The following KLHL1 variants were observed in gnomAD, a reference collection of about 807,000 sequenced individuals.
KLHL1 encodes the protein kelch like family member 1, also known as kelch-like protein 1.
Under a neutral mutation model 77.7 loss-of-function variants are expected in KLHL1, and 47 were observed. The ratio of observed to expected loss-of-function variants is 0.60; its 90% CI spans 0.48 to 0.77. The LOEUF is 0.77. Among genes scored for constraint, KLHL1 ranks in the 30% least tolerant of loss-of-function variants. KLHL1 has a pLI of 0.00. For synonymous variants in KLHL1, 360 were observed against 325.2 expected (o/e 1.11, Z -1.15); for missense variants, 925 against 910.8 (o/e 1.02, Z -0.20).
In KLHL1 at chr13:69,844,975, C is replaced by T. The variant is rs116571332; in HGVS notation, c.1228-5813G>A. On this transcript the variant is annotated intron_variant, in intron 5 of 10. Coordinates refer to ENST00000377844, the MANE Select transcript of KLHL1 (RefSeq NM_020866.3). ...ATTCGATCCAGGAAATATTTGCTCCCGCAGGATGAGACATCTGTGAACCCA... is the reference window on the plus strand; with the variant it reads ...ATTCGATCCAGGAAATATTTGCTCCTGCAGGATGAGACATCTGTGAACCCA... Among the ~76,000 whole-genome samples, 782 of 151,628 alleles carry T rather than the reference C, an allele frequency of 5.2e-3. 7 individuals are homozygous for T. Among genetic ancestry groups the T allele is most frequent in the African/African-American group, 0.018 (729 of 41,442 alleles).
At chr13:70,060,842 G>C (rs938096585) in intron 1 of KLHL1, among the ~76,000 whole-genome samples, 1 of 96,314 alleles carries the variant, frequency 1.0e-5, no homozygotes, top group African/African-American at 5.4e-5. Flanking sequence ...GTGAAACTTC[G>C]TCTCAAAAGA....
intron 8 of KLHL1, among the ~76,000 whole-genome samples, chr13:69,723,854 T>TTTC (rs1446136245): frequency 4.0e-5 from 6 of 151,718 alleles, no homozygotes; most frequent in African/African-American, 1.5e-4. Flanking sequence ...TTTTTTTTTT[T>TTTC]TTTTCTGAGA....
intron 3 of KLHL1, among the ~76,000 whole-genome samples, chr13:69,954,783 G>A (rs748114791): frequency 7.0e-6 from 1 of 143,382 alleles, no homozygotes; most frequent in Non-Finnish European, 1.5e-5. Context: ...AGTTTCATAC[G>A]ATAGTACTAA....
intron 1 of KLHL1, among the ~76,000 whole-genome samples, chr13:70,088,272 C>T (rs1887592917): frequency 6.6e-6 from 1 of 152,064 alleles, no homozygotes; most frequent in Admixed American, 6.6e-5. Context: ...AGTTTCTTTA[C>T]CTCCATGAGT....
chr13:69,902,218 T>G (rs1237232079), intron 4 of KLHL1, among the ~76,000 whole-genome samples: 2 of 152,230 alleles, frequency 1.3e-5, no homozygotes, highest in African/African-American at 4.8e-5. Context: ...AGATATGATC[T>G]GGAGATTTTT....
intron 5 of KLHL1, among the ~76,000 whole-genome samples, chr13:69,843,224 A>T (rs1237549568): frequency 2.0e-5 from 3 of 151,760 alleles, no homozygotes; most frequent in Non-Finnish European, 4.4e-5. Context: ...ATATGCACGT[A>T]ACAAAATTTC....
chr13:70,095,724 T>C (rs939771465), intron 1 of KLHL1, among the ~76,000 whole-genome samples: 2 of 152,220 alleles, frequency 1.3e-5, no homozygotes, highest in Non-Finnish European at 2.9e-5. Flanking sequence ...GAGAGGACAA[T>C]AAATTATTGT....
chr13:70,038,915 G>A (rs781589546), intron 1 of KLHL1, among the ~76,000 whole-genome samples: 4 of 151,940 alleles, frequency 2.6e-5, no homozygotes, highest in Admixed American at 1.3e-4. Context: ...TCTAATACAC[G>A]TATCTTCATA....
At chr13:69,905,950 C>A (rs1379427591) in intron 4 of KLHL1, among the ~76,000 whole-genome samples, 1 of 151,986 alleles carries the variant, frequency 6.6e-6, no homozygotes, top group Non-Finnish European at 1.5e-5. Flanking sequence ...CACAGCAACC[C>A]AGGAGATCAT....
At chr13:69,896,429 C>T (rs1881643051) in intron 4 of KLHL1, among the ~76,000 whole-genome samples, 1 of 152,112 alleles carries the variant, frequency 6.6e-6, no homozygotes. Flanking sequence ...ATAATCAGGA[C>T]ACCTTGGCAG....
At chr13:69,978,297 C>A (rs999010982) in intron 1 of KLHL1, among the ~76,000 whole-genome samples, 1 of 151,506 alleles carries the variant, frequency 6.6e-6, no homozygotes, top group Non-Finnish European at 1.5e-5. Flanking sequence ...ACCAAAACTG[C>A]TCCAAAAGGA....
chr13:70,072,084 G>A lies in KLHL1; in HGVS notation c.497+35119C>T, dbSNP rs967565113. 1.4e-4 allele frequency among the ~76,000 whole-genome samples: 21 copies of A among 151,998 alleles called. 1 individual carries two copies. The highest frequency in any genetic ancestry group is 4.8e-4 in the African/African-American group (20 of 41,358). On this transcript the variant is annotated intron_variant, in intron 1 of 10. Transcript: ENST00000377844. Reference sequence around the variant, plus strand: ...CTAACCAAGATGAAACAGAGAACGTGCAAATTACTAATATCAGAAATAAAA... The same window carrying A: ...CTAACCAAGATGAAACAGAGAACGTACAAATTACTAATATCAGAAATAAAA...
intron 9 of KLHL1, among the ~76,000 whole-genome samples, chr13:69,715,415 G>T (rs559798421): frequency 6.6e-6 from 1 of 152,034 alleles, no homozygotes; most frequent in Non-Finnish European, 1.5e-5. Context: ...TATAAGACAT[G>T]CCCGCTTCCC....
intron 10 of KLHL1, among the ~76,000 whole-genome samples, chr13:69,705,396 CTGAG>C (rs1283538461): frequency 6.6e-6 from 1 of 151,568 alleles, no homozygotes; most frequent in African/African-American, 2.4e-5. Context: ...TCAAGCTAAA[CTGAG>C]TTTTTTTCCA....
intron 1 of KLHL1, among the ~76,000 whole-genome samples, chr13:70,067,600 C>T (rs967151472): frequency 1.3e-5 from 2 of 151,628 alleles, no homozygotes; most frequent in Non-Finnish European, 2.9e-5. Flanking sequence ...AAAGGGCAGG[C>T]GGTCTTAGTA....
At chr13:70,027,872 T>A (rs1230407551) in intron 1 of KLHL1, among the ~76,000 whole-genome samples, 1 of 152,056 alleles carries the variant, frequency 6.6e-6, no homozygotes, top group Non-Finnish European at 1.5e-5. Flanking sequence ...GCACAGTTAA[T>A]TTTTAGAGGC....
At chr13:69,826,578 CAAAGAAAGAAAG>C (rs144260651) in intron 6 of KLHL1, among the ~76,000 whole-genome samples, 1 of 151,088 alleles carries the variant, frequency 6.6e-6, no homozygotes, top group African/African-American at 2.4e-5. Context: ...AAAACTGTCT[CAAAGAAAGAAAG>C]AAAGAAAGAA....
At chr13:69,903,783 A>G (rs1881954697) in intron 4 of KLHL1, among the ~76,000 whole-genome samples, 1 of 151,048 alleles carries the variant, frequency 6.6e-6, no homozygotes. Flanking sequence ...CTGGGATTAC[A>G]GGTGCGTACC....
intron 4 of KLHL1, among the ~76,000 whole-genome samples, chr13:69,916,512 T>C (rs1328132461): frequency 6.6e-6 from 1 of 151,804 alleles, no homozygotes; most frequent in African/African-American, 2.4e-5. Context: ...ACACCACATG[T>C]TCTCACTCAT....
Sources: allele counts gnomAD v4.1 joint callset (sites outside exome capture counted in the v4.1 genomes callset), GRCh38; gene constraint gnomAD v4.1.1; transcripts MANE v1.5; gene names NCBI Gene and HGNC (gene_info 2026-07-23, HGNC 2026-07-21).